STK17A: variants seen among roughly 807,000 people sequenced by gnomAD.
The protein encoded by STK17A is serine/threonine kinase 17a.
In STK17A, 26 loss-of-function variants were observed where a neutral mutation model predicts 43.7. The ratio of observed to expected loss-of-function variants is 0.60; its 90% CI spans 0.44 to 0.83. STK17A has a LOEUF of 0.83. Among genes scored for constraint, STK17A ranks in the 40% least tolerant of loss-of-function variants. The probability of loss-of-function intolerance (pLI) is 0.00; values close to 1 mark genes in which losing one functional copy is unlikely to be tolerated. For synonymous variants in STK17A, 191 were observed against 182.5 expected (o/e 1.05, Z -0.38); for missense variants, 476 against 511.6 (o/e 0.93, Z 0.67).
rs977881730 is a variant in STK17A at position 43,608,514 on chromosome 7, G to A, written c.564+114G>A. The A allele has an allele frequency of 3.1e-6, 4 of 1,303,730 alleles. No homozygotes were observed. In the African/African-American group the frequency reaches 6.0e-5, roughly 19 times the overall value. 80.8% of individuals were successfully genotyped at this position (1,303,730 alleles called of 1,614,324 possible). A position where few individuals can be genotyped will look rare whatever the true frequency, so the allele number is the denominator to read the frequency against. On this transcript the variant is annotated intron_variant, in intron 3 of 6. Transcript: ENST00000319357. ...CGTTTGTGTATTATTAGGTAACAAG[G>A]ATATTAGAATTGAGTCTTTACTCCT...
rs992326408 is a variant in STK17A, at chr7:43,626,645, T to C, written c.*1803T>C. The C allele has an allele frequency of 1.5e-4, 23 of 152,054 alleles. No homozygotes were observed. The highest frequency in any genetic ancestry group is 3.1e-4 in the African/African-American group (13 of 41,480). The allele number at this position is 152,054 out of a possible 1,614,324, so 9.4% of individuals were successfully genotyped here. A position where few individuals can be genotyped will look rare whatever the true frequency, so the allele number is the denominator to read the frequency against. On this transcript the variant is annotated 3_prime_UTR_variant, in exon 7 of 7. Coordinates refer to ENST00000319357, the MANE Select transcript of STK17A (RefSeq NM_004760.3). ...GCAAATATTTATCTCTCTGAAAAAA[T>C]AGGGAGGAGGTGACCAGGAAAAAAT...
intron 3 of STK17A, among the ~76,000 whole-genome samples, chr7:43,614,039 G>A (rs1583634186): frequency 6.6e-6 from 1 of 151,984 alleles, no homozygotes; most frequent in East Asian, 1.9e-4. Flanking sequence ...TCTAACCTGG[G>A]TTTTAATAGT....
chr7:43,619,688 AG>A lies in STK17A; in HGVS notation c.657del (p.Glu219AspfsTer22), dbSNP rs777773834. ...GLSRILKNSE[E>X]LREIMGTPEY... is the part of the protein sequence containing the mutation. ...TCAAGAATATTGAAGAACAGTGAAG[AG>A]CTCCGAGAAATTATGGGTACCCCTG... On this transcript the variant is annotated frameshift_variant, in exon 4 of 7. Coordinates refer to ENST00000319357, the MANE Select transcript of STK17A (RefSeq NM_004760.3). LOFTEE classifies it high-confidence loss of function. The A allele has an allele frequency of 1.2e-6, 2 of 1,614,050 alleles. No homozygotes were observed. Among genetic ancestry groups the A allele is most frequent in the Non-Finnish European group, 1.7e-6 (2 of 1,179,978 alleles).
intron 2 of STK17A, among the ~76,000 whole-genome samples, chr7:43,597,628 A>G (rs979755135): frequency 2.0e-5 from 3 of 152,098 alleles, no homozygotes; most frequent in African/African-American, 7.2e-5. Context: ...CAGGTGATCC[A>G]TCCACCTCGG....
chr7:43,588,155 A>T (rs1258713090), intron 1 of STK17A, among the ~76,000 whole-genome samples: 2 of 151,314 alleles, frequency 1.3e-5, no homozygotes, highest in African/African-American at 2.4e-5. Context: ...CTGTTCTGAT[A>T]TTTTTTTTAA....
At chr7:43,609,807 T>G (rs975176423) in intron 3 of STK17A, among the ~76,000 whole-genome samples, 16 of 152,292 alleles carry the variant, frequency 1.1e-4, no homozygotes, top group South Asian at 1.0e-3. Flanking sequence ...CAAAAAACTT[T>G]CCCATCCTGA....
rs1397834394 is a variant in STK17A at position 43,595,949 on chromosome 7, A to G, written c.255A>G (p.Lys85=). 3.7e-6 allele frequency: 6 copies of G among 1,613,868 alleles called. No homozygotes were observed. Among genetic ancestry groups the G allele is most frequent in the Non-Finnish European group, 4.2e-6 (5 of 1,179,948 alleles). Residue 85 remains lysine, a synonymous_variant, in exon 2 of 7, where the codon AAA becomes AAG. Transcript: ENST00000319357. ...VRKCIKKDSG[K]EFAAKFMRKR... is the part of the protein sequence containing the mutation. ...AATGTATAAAGAAAGATTCTGGGAAAGAATTTGCTGCAAAGTTCATGAGAA... is the reference window on the plus strand; with the variant it reads ...AATGTATAAAGAAAGATTCTGGGAAGGAATTTGCTGCAAAGTTCATGAGAA...
rs1444829072 is a variant in STK17A, at chr7:43,590,522, A to G, written c.207-5379A>G. Among the ~76,000 whole-genome samples the G allele has an allele frequency of 2.6e-5, 4 of 151,506 alleles. 1 individual carries two copies. The highest frequency in any genetic ancestry group is 5.9e-5 in the Non-Finnish European group (4 of 67,620). The stretch of plus-strand genomic sequence containing the variant: ...CAGTGAGTAGTTCTGAAATGTATTC[A>G]TTTCTGATATTCATCCCAAAATATT... On this transcript the variant is annotated intron_variant, in intron 1 of 6. Transcript: ENST00000319357.
At chr7:43,606,273 T>A (rs2082587834) in intron 2 of STK17A, among the ~76,000 whole-genome samples, 1 of 152,160 alleles carries the variant, frequency 6.6e-6, no homozygotes, top group Non-Finnish European at 1.5e-5. Context: ...AGATCCAAAC[T>A]GGGCCTCAGA....
chr7:43,583,426 G>A lies in STK17A; in HGVS notation c.183G>A (p.Leu61=). ...AGCCCTTCCAGGACGGCTACAGCCT[G>A]TGCCCGGGCCGGGAGCTGGGCAGGT... ...RTEPFQDGYS[L]CPGRELGRGK... The change falls in exon 1 of 7, where the codon CTG becomes CTA. Residue 61 remains leucine, a synonymous_variant. Coordinates refer to ENST00000319357, the MANE Select transcript of STK17A (RefSeq NM_004760.3). 1.4e-6 allele frequency: 2 copies of A among 1,384,624 alleles called. No individual in the cohort carries two copies. Among genetic ancestry groups the A allele is most frequent in the South Asian group, 1.7e-5 (1 of 58,668 alleles). 85.8% of individuals were successfully genotyped at this position (1,384,624 alleles called of 1,614,324 possible).
chr7:43,585,481 A>C (rs1437083383), intron 1 of STK17A, among the ~76,000 whole-genome samples: 1 of 151,520 alleles, frequency 6.6e-6, no homozygotes, highest in Non-Finnish European at 1.5e-5. Context: ...TTCTTACATA[A>C]ATTTCTTTAC....
chr7:43,609,898 A>G (rs1269195130), intron 3 of STK17A, among the ~76,000 whole-genome samples: 2 of 152,198 alleles, frequency 1.3e-5, no homozygotes, highest in Non-Finnish European at 2.9e-5. Flanking sequence ...CAGAAAGTAG[A>G]TGCTTAATGG....
chr7:43,587,574 T>C (rs2082452358), intron 1 of STK17A, among the ~76,000 whole-genome samples: 1 of 151,504 alleles, frequency 6.6e-6, no homozygotes, highest in South Asian at 2.1e-4. Flanking sequence ...TGTGTGTCCT[T>C]ACCTAGATTG....
At position 43,616,075 on chromosome 7, in the gene STK17A, T is replaced by TC. The variant is rs1322703600; in HGVS notation, c.565-3518dup. ...GACTGGTGTCTTGTTTTCTGTTATT[T>TC]CCCCAGGGCCTAGCTCATTAGGCAA... On this transcript the variant is annotated intron_variant, in intron 3 of 6. Coordinates refer to ENST00000319357, the MANE Select transcript of STK17A (RefSeq NM_004760.3). 2.6e-5 allele frequency among the ~76,000 whole-genome samples: 4 copies of TC among 152,274 alleles called. No individual in the cohort carries two copies. In the East Asian group the frequency reaches 7.7e-4, roughly 29 times the overall value.
chr7:43,585,434 G>GTT (rs200789518), intron 1 of STK17A, among the ~76,000 whole-genome samples: 1 of 150,172 alleles, frequency 6.7e-6, no homozygotes, highest in Non-Finnish European at 1.5e-5. Flanking sequence ...TTCCGATCAG[G>GTT]TTTTTTTTTA....
At chr7:43,622,030 CCGA>C in intron 4 of STK17A, among the ~76,000 whole-genome samples, 1 of 152,152 alleles carries the variant, frequency 6.6e-6, no homozygotes, top group South Asian at 2.1e-4. Flanking sequence ...AGTAATAGTA[CCGA>C]CCTCATAGGG....
intron 4 of STK17A, among the ~76,000 whole-genome samples, chr7:43,621,185 A>G (rs2083849414): frequency 6.6e-6 from 1 of 152,258 alleles, no homozygotes; most frequent in Admixed American, 6.5e-5. Flanking sequence ...ATTAGATAAT[A>G]AAAGATGCCA....
intron 3 of STK17A, among the ~76,000 whole-genome samples, chr7:43,613,283 C>T (rs1267337020): frequency 6.6e-6 from 1 of 152,120 alleles, no homozygotes; most frequent in Non-Finnish European, 1.5e-5. Context: ...TGGCCCCCCA[C>T]CAAGTATTTC....
At chr7:43,610,068 C>T (rs530950541) in intron 3 of STK17A, among the ~76,000 whole-genome samples, 12 of 152,262 alleles carry the variant, frequency 7.9e-5, no homozygotes, top group Admixed American at 3.9e-4. Flanking sequence ...TGGCCAGGGC[C>T]GGGCGCGGTG....
Sources: allele counts gnomAD v4.1 joint callset (sites outside exome capture counted in the v4.1 genomes callset), GRCh38; gene constraint gnomAD v4.1.1; transcripts MANE v1.5; gene names NCBI Gene and HGNC (gene_info 2026-07-23, HGNC 2026-07-21).